The following CTNND2 variants were observed in gnomAD, a reference collection of about 807,000 sequenced individuals.
CTNND2 encodes catenin delta 2.
Under a neutral mutation model 144.4 loss-of-function variants are expected in CTNND2, and 22 were observed. That is an observed-to-expected ratio of 0.15 (90% CI 0.11 to 0.22). The LOEUF is 0.22. Ranked by LOEUF, CTNND2 falls within the 10% of genes least tolerant of loss-of-function variation. The pLI is 1.00. For missense variants in CTNND2, 1,353 were observed against 1,618.8 expected, an observed-to-expected ratio of 0.84 and a Z score of 2.82; for synonymous variants, 751 against 695.6, an observed-to-expected ratio of 1.08 and a Z score of -1.25.
In CTNND2 at chr5:11,857,090, C is replaced by T. The variant is rs182548653; in HGVS notation, c.37+46727G>A. ...GAACTTAAAAACCATTCTTATACTA[C>T]TGACATCAGGATTAGATTCCTAAAT... is the stretch of plus-strand genomic sequence containing the variant. On this transcript the variant is annotated intron_variant, in intron 1 of 21. Coordinates refer to ENST00000304623, the MANE Select transcript of CTNND2 (RefSeq NM_001332.4). Among the ~76,000 whole-genome samples the T allele has an allele frequency of 2.4e-4, 37 of 152,272 alleles. No homozygotes were observed. In the East Asian group the frequency reaches 7.1e-3, roughly 29 times the overall value.
chr5:11,845,459 T>C (rs1261458490), intron 1 of CTNND2, among the ~76,000 whole-genome samples: 1 of 152,148 alleles, frequency 6.6e-6, no homozygotes, highest in Non-Finnish European at 1.5e-5. Flanking sequence ...TGGAGTAGGA[T>C]AGGCTTCTAG....
intron 16 of CTNND2, among the ~76,000 whole-genome samples, chr5:11,024,292 A>G (rs532090198): frequency 6.6e-6 from 1 of 152,318 alleles, no homozygotes; most frequent in East Asian, 1.9e-4. Context: ...ACTGAAATAG[A>G]AAAGTGTGTT....
intron 16 of CTNND2, among the ~76,000 whole-genome samples, chr5:11,054,695 G>T (rs1246290136): frequency 6.6e-6 from 1 of 152,106 alleles, no homozygotes; most frequent in African/African-American, 2.4e-5. Context: ...TGCGAAAGTT[G>T]AAGGCTTGCT....
intron 2 of CTNND2, among the ~76,000 whole-genome samples, chr5:11,587,608 T>A (rs1778959197): frequency 1.3e-5 from 2 of 152,126 alleles, no homozygotes; most frequent in African/African-American, 4.8e-5. Flanking sequence ...TCAAATTTCA[T>A]ATAATATTAA....
intron 2 of CTNND2, among the ~76,000 whole-genome samples, chr5:11,664,044 G>A (rs1008134835): frequency 1.3e-5 from 2 of 152,008 alleles, no homozygotes; most frequent in African/African-American, 4.8e-5. Flanking sequence ...AAAGCTACAG[G>A]GAACTTAACA....
At position 11,239,376 on chromosome 5, in the gene CTNND2, A is replaced by C. The variant is rs1741977384; in HGVS notation, c.1629-2553T>G. Among the ~76,000 whole-genome samples the C allele has an allele frequency of 2.0e-5, 3 of 152,324 alleles. 1 individual carries two copies. The highest frequency in any genetic ancestry group is 4.1e-4 in the South Asian group (2 of 4,834). Reference sequence around the variant, plus strand: ...GATCCACGTCCCTCACACTAGGTCAAAAGAAAGGCTGCTGCCAGCTCTGCC... The same window carrying C: ...GATCCACGTCCCTCACACTAGGTCACAAGAAAGGCTGCTGCCAGCTCTGCC... On this transcript the variant is annotated intron_variant, in intron 9 of 21. Transcript: ENST00000304623.
intron 3 of CTNND2, among the ~76,000 whole-genome samples, chr5:11,546,834 G>A (rs905117487): frequency 6.6e-6 from 1 of 152,070 alleles, no homozygotes; most frequent in African/African-American, 2.4e-5. Context: ...GTGAAAAATT[G>A]ACACAAGGCA....
chr5:11,896,334 G>A lies in CTNND2; in HGVS notation c.37+7483C>T, dbSNP rs1449254323. On this transcript the variant is annotated intron_variant, in intron 1 of 21. Transcript: ENST00000304623. The stretch of plus-strand genomic sequence containing the variant: ...AAAATGTGTATCGCTTGATATCTCT[G>A]CTAAAAATATGGTCATTTCTGGGGC... 3.3e-5 allele frequency among the ~76,000 whole-genome samples: 5 copies of A among 152,242 alleles called. No homozygotes were observed. The East Asian group carries it at 9.6e-4, about 29-fold the overall frequency.
chr5:11,588,873 C>T, intron 2 of CTNND2: 1 of 985,406 alleles, frequency 1.0e-6, no homozygotes, highest in Non-Finnish European at 1.2e-6. Context: ...TCCTGGCATC[C>T]TACCCACCTC....
chr5:11,366,092 G>T (rs550722974), intron 7 of CTNND2, among the ~76,000 whole-genome samples: 38 of 152,218 alleles, frequency 2.5e-4, no homozygotes, highest in African/African-American at 8.2e-4. Flanking sequence ...TGGCCATGTC[G>T]GGACAGCTCT....
chr5:11,100,865 T>C (rs767547553), intron 14 of CTNND2, among the ~76,000 whole-genome samples: 3 of 152,204 alleles, frequency 2.0e-5, no homozygotes, highest in Non-Finnish European at 4.4e-5. Flanking sequence ...AAAGTAGCCA[T>C]GTTATCTTTT....
At chr5:11,831,512 C>A (rs1031283761) in intron 1 of CTNND2, among the ~76,000 whole-genome samples, 6 of 151,620 alleles carry the variant, frequency 4.0e-5, no homozygotes, top group African/African-American at 1.5e-4. Context: ...ACTAAAAATA[C>A]AAAAAATTAG....
chr5:11,640,485 T>C (rs1467929457), intron 2 of CTNND2, among the ~76,000 whole-genome samples: 1 of 152,214 alleles, frequency 6.6e-6, no homozygotes, highest in Non-Finnish European at 1.5e-5. Flanking sequence ...CATCTATAAA[T>C]AGGTATGTTA....
chr5:11,778,813 A>T (rs994679599), intron 1 of CTNND2, among the ~76,000 whole-genome samples: 1 of 152,244 alleles, frequency 6.6e-6, no homozygotes, highest in Non-Finnish European at 1.5e-5. Flanking sequence ...TAATCATGCC[A>T]AATGTACCAT....
At chr5:11,218,399 T>G (rs1050668690) in intron 10 of CTNND2, among the ~76,000 whole-genome samples, 1 of 152,162 alleles carries the variant, frequency 6.6e-6, no homozygotes, top group African/African-American at 2.4e-5. Flanking sequence ...ACCAGTAAAG[T>G]TGCATATCAG....
chr5:11,592,238 GCCTT>G (rs1779292413), intron 2 of CTNND2, among the ~76,000 whole-genome samples: 1 of 10,286 alleles, frequency 9.7e-5, no homozygotes, highest in Admixed American at 5.7e-4. Context: ...CTGCCTGCCT[GCCTT>G]CCTGCCTGCT....
At chr5:11,054,081 T>A (rs1445968892) in intron 16 of CTNND2, among the ~76,000 whole-genome samples, 16 of 152,324 alleles carry the variant, frequency 1.1e-4, no homozygotes, top group Admixed American at 9.8e-4. Context: ...AATCTCTTTT[T>A]CACAGAACAG....
At chr5:11,201,622 T>C (rs1169418325) in intron 10 of CTNND2, among the ~76,000 whole-genome samples, 1 of 152,140 alleles carries the variant, frequency 6.6e-6, no homozygotes, top group Admixed American at 6.5e-5. Flanking sequence ...AATCCCTAAG[T>C]TGGAAACCAT....
chr5:11,532,862 CTTG>C (rs1326355169), intron 3 of CTNND2, among the ~76,000 whole-genome samples: 2 of 152,172 alleles, frequency 1.3e-5, no homozygotes, highest in African/African-American at 2.4e-5. Context: ...AAAAGGGTTA[CTTG>C]TTGTTTCTCC....
Sources: gnomAD v4.1 joint callset for allele counts (sites outside exome capture counted in the v4.1 genomes callset) on GRCh38, gnomAD v4.1.1 for gene constraint, MANE v1.5 for transcripts, NCBI Gene and HGNC (gene_info 2026-07-23, HGNC 2026-07-21) for gene names.